The following CEP43 variants were observed in gnomAD, a reference collection of about 807,000 sequenced individuals.
CEP43 encodes FGFR1 oncogene partner.
Under a neutral mutation model 52.6 loss-of-function variants are expected in CEP43, and 36 were observed. The observed-to-expected ratio is 0.68, with a 90% confidence interval of 0.52 to 0.90. The LOEUF is 0.90. Among genes scored for constraint, CEP43 ranks in the 40% least tolerant of loss-of-function variants. The probability of loss-of-function intolerance (pLI) is 0.00; values close to 1 mark genes in which losing one functional copy is unlikely to be tolerated. For synonymous variants in CEP43, 192 were observed against 172.4 expected (o/e 1.11, Z -0.89); for missense variants, 506 against 472.8 (o/e 1.07, Z -0.65).
chr6:167,017,089 G>A (rs1180804142), intron 7 of CEP43, among the ~76,000 whole-genome samples: 1 of 151,296 alleles, frequency 6.6e-6, no homozygotes, highest in Non-Finnish European at 1.5e-5. Flanking sequence ...TCCGCCTCCC[G>A]GGTTCACGGG....
At position 167,050,571 on chromosome 6, in the gene CEP43, G is replaced by A. The variant is rs1780856174; in HGVS notation, c.*10593G>A. On this transcript the variant is annotated 3_prime_UTR_variant, in exon 13 of 13. Coordinates refer to ENST00000366847, the MANE Select transcript of CEP43 (RefSeq NM_007045.4). ...ACCAGCAGATCACTTGAGGTCAGGG[G>A]TTCGAGACCAGCGTGGCTAACATGG... The A allele has an allele frequency of 6.6e-6, 1 of 152,192 alleles. No individual in the cohort carries two copies. 9.4% of individuals were successfully genotyped at this position (152,192 alleles called of 1,614,324 possible). A position where few individuals can be genotyped will look rare whatever the true frequency, so the allele number is the denominator to read the frequency against.
At chr6:167,036,797 GTTTTGTTTTTGT>G (rs933902324) in intron 12 of CEP43, 30 of 984,080 alleles carry the variant, frequency 3.0e-5, no homozygotes, top group Admixed American at 2.5e-4. Context: ...GCCTTTATTA[GTTTTGTTTTTGT>G]TTTTGTTTTT....
At chr6:167,000,031 A>G in intron 1 of CEP43, 29 bp from the exon 2 acceptor site, 1 of 1,579,482 alleles carries the variant, frequency 6.3e-7, no homozygotes, top group South Asian at 1.1e-5. Context: ...TTGAAATTAT[A>G]ATTTCCTGTT....
At chr6:167,026,317 C>T (rs1002413453) in intron 9 of CEP43, among the ~76,000 whole-genome samples, 4 of 152,164 alleles carry the variant, frequency 2.6e-5, no homozygotes, top group Non-Finnish European at 4.4e-5. Context: ...GAGCTGAGAC[C>T]GCGCCATTGC....
Position 167,044,681 on chromosome 6 carries a change from C to T in CEP43, c.*4703C>T, listed in dbSNP as rs924787857. The T allele has an allele frequency of 3.6e-5, 16 of 442,374 alleles. No individual in the cohort carries two copies. The highest frequency in any genetic ancestry group is 2.3e-3 in the Middle Eastern group (2 of 868). 27.4% of individuals were successfully genotyped at this position (442,374 alleles called of 1,614,324 possible). Reference sequence around the variant, plus strand: ...AATGAACCCCCGAACAAGGTAAGGTCGAGCTGGCCCCTCGTGTCATCCGAC... The same window carrying T: ...AATGAACCCCCGAACAAGGTAAGGTTGAGCTGGCCCCTCGTGTCATCCGAC... On this transcript the variant is annotated 3_prime_UTR_variant, in exon 13 of 13. Coordinates refer to ENST00000366847, the MANE Select transcript of CEP43 (RefSeq NM_007045.4).
Position 167,004,066 on chromosome 6 carries a change from C to T in CEP43, c.301-198C>T, listed in dbSNP as rs573246635. 1.1e-4 allele frequency: 69 copies of T among 608,376 alleles called. 1 individual carries two copies. Among genetic ancestry groups the T allele is most frequent in the East Asian group, 6.9e-4 (24 of 35,010 alleles). 37.7% of individuals were successfully genotyped at this position (608,376 alleles called of 1,614,324 possible). A position where few individuals can be genotyped will look rare whatever the true frequency, so the allele number is the denominator to read the frequency against. ...TTAATTTTGATACGATGTTAGAGTG[C>T]ACCTGTTAATGGAAACGTTGAAGGT... On this transcript the variant is annotated intron_variant, in intron 4 of 12. Coordinates refer to ENST00000366847, the MANE Select transcript of CEP43 (RefSeq NM_007045.4).
In CEP43 at chr6:167,041,832, G is replaced by A; in HGVS notation, c.*1854G>A. ...GCACTACATACATCTTTTTTTTGCG[G>A]GGGGCGGGGGGGACAGAGTCTCACT... On this transcript the variant is annotated 3_prime_UTR_variant, in exon 13 of 13. Coordinates refer to ENST00000366847, the MANE Select transcript of CEP43 (RefSeq NM_007045.4). 1.0e-6 allele frequency: 1 copy of A among 971,468 alleles called. No individual in the cohort carries two copies. Among genetic ancestry groups the A allele is most frequent in the South Asian group, 4.9e-5 (1 of 20,596 alleles). 60.2% of individuals were successfully genotyped at this position (971,468 alleles called of 1,614,324 possible). A position where few individuals can be genotyped will look rare whatever the true frequency, so the allele number is the denominator to read the frequency against.
intron 7 of CEP43, among the ~76,000 whole-genome samples, chr6:167,020,908 CAAAAAAAA>C (rs147460349): frequency 3.8e-5 from 3 of 79,044 alleles, no homozygotes; most frequent in Admixed American, 1.6e-4. Flanking sequence ...GACTCTGTCT[CAAAAAAAA>C]AAAAAAAAAA....
chr6:167,013,967 T>C (rs903592091), intron 7 of CEP43, among the ~76,000 whole-genome samples: 1 of 152,188 alleles, frequency 6.6e-6, no homozygotes, highest in African/African-American at 2.4e-5. Flanking sequence ...AGTGAGACTC[T>C]GTCTAAAAAA....
rs1780738107 is a variant in CEP43 at position 167,043,273 on chromosome 6, G to A, written c.*3295G>A. On this transcript the variant is annotated 3_prime_UTR_variant, in exon 13 of 13. Coordinates refer to ENST00000366847, the MANE Select transcript of CEP43 (RefSeq NM_007045.4). Reference sequence around the variant, plus strand: ...ACCCAGCCCAAGTTGGAGCCCTCCTGTGGCATTGGGTGGGGAGGATTCCCG... The same window carrying A: ...ACCCAGCCCAAGTTGGAGCCCTCCTATGGCATTGGGTGGGGAGGATTCCCG... 6.6e-6 allele frequency: 1 copy of A among 152,326 alleles called. No homozygotes were observed. Among genetic ancestry groups the A allele is most frequent in the Non-Finnish European group, 1.5e-5 (1 of 68,280 alleles). 9.4% of individuals were successfully genotyped at this position (152,326 alleles called of 1,614,324 possible).
chr6:167,020,564 A>G (rs1780202850), intron 7 of CEP43, among the ~76,000 whole-genome samples: 3 of 152,194 alleles, frequency 2.0e-5, no homozygotes, highest in Admixed American at 6.5e-5. Flanking sequence ...ATATGAATCT[A>G]GTTCAATTCT....
chr6:167,026,294 C>T (rs1396486137), intron 9 of CEP43, among the ~76,000 whole-genome samples: 2 of 152,170 alleles, frequency 1.3e-5, no homozygotes, highest in Non-Finnish European at 2.9e-5. Context: ...ACCCAGAAGG[C>T]AGAGGTTGCA....
chr6:167,004,345 T>C lies in CEP43; in HGVS notation c.382T>C (p.Leu128=), dbSNP rs1227965640. 6.2e-7 allele frequency: 1 copy of C among 1,611,692 alleles called. No homozygotes were observed. The highest frequency in any genetic ancestry group is 1.7e-5 in the Admixed American group (1 of 59,746). The change falls in exon 5 of 13, where the codon TTA becomes CTA. Residue 128 remains leucine (L), a synonymous_variant. Transcript: ENST00000366847. ...AGAAGGTACTGTGGGTGGACCCTTA[T>C]TATTAGAAGTGATCAGGCGCTGTCA... ...EAEGTVGGPL[L]LEVIRRCQQK... is the part of the protein sequence containing the mutation.
intron 7 of CEP43, among the ~76,000 whole-genome samples, chr6:167,020,908 C>CAAAA (rs147460349): frequency 1.3e-5 from 1 of 79,050 alleles, no homozygotes; most frequent in Non-Finnish European, 2.3e-5. Context: ...GACTCTGTCT[C>CAAAA]AAAAAAAAAA....
In CEP43 at chr6:167,042,885, T is replaced by C. The variant is rs1489278135; in HGVS notation, c.*2907T>C. 6.8e-6 allele frequency: 1 copy of C among 147,074 alleles called. No homozygotes were observed. Among genetic ancestry groups the C allele is most frequent in the Non-Finnish European group, 1.5e-5 (1 of 66,776 alleles). 9.1% of individuals were successfully genotyped at this position (147,074 alleles called of 1,614,324 possible). ...ACAGGGATTTTCTTTTAAACTGCTG[T>C]GTACCTGGCACAACATTTGTCCCCT... On this transcript the variant is annotated 3_prime_UTR_variant, in exon 13 of 13. Coordinates refer to ENST00000366847, the MANE Select transcript of CEP43 (RefSeq NM_007045.4).
Position 167,018,331 on chromosome 6 carries a change from C to T in CEP43, c.580-4078C>T, listed in dbSNP as rs139723872. Among the ~76,000 whole-genome samples the T allele has an allele frequency of 4.5e-3, 682 of 152,268 alleles. 4 individuals carry two copies. The highest frequency in any genetic ancestry group is 7.0e-3 in the Non-Finnish European group (474 of 68,022). On this transcript the variant is annotated intron_variant, in intron 7 of 12. Transcript: ENST00000366847. ...ATTTCATTTGTGGGATACAGTTTGACCCATAACTTTTGTGCTTGTCCAGAG... is the reference window on the plus strand; with the variant it reads ...ATTTCATTTGTGGGATACAGTTTGATCCATAACTTTTGTGCTTGTCCAGAG...
At chr6:167,035,816 C>T (rs1334852792) in intron 12 of CEP43, among the ~76,000 whole-genome samples, 1 of 152,158 alleles carries the variant, frequency 6.6e-6, no homozygotes, top group Non-Finnish European at 1.5e-5. Flanking sequence ...CTCTGCCTGC[C>T]TCGGCCTCCC....
Position 167,032,733 on chromosome 6 carries a change from T to C in CEP43, c.1028+91T>C. 2.7e-6 allele frequency: 3 copies of C among 1,113,632 alleles called. No homozygotes were observed. The South Asian group carries it at 5.7e-5, about 21-fold the overall frequency. The allele number at this position is 1,113,632 out of a possible 1,614,324, so 69.0% of individuals were successfully genotyped here. A position where few individuals can be genotyped will look rare whatever the true frequency, so the allele number is the denominator to read the frequency against. On this transcript the variant is annotated intron_variant, in intron 11 of 12. Coordinates refer to ENST00000366847, the MANE Select transcript of CEP43 (RefSeq NM_007045.4). ...ACAAGACAAAATTACATTTGGTGCT[T>C]ATTTTAATGTATTTGATTCTGTTGT...
chr6:167,023,166 G>A (rs1404771711), intron 8 of CEP43, among the ~76,000 whole-genome samples: 1 of 152,144 alleles, frequency 6.6e-6, no homozygotes, highest in Non-Finnish European at 1.5e-5. Flanking sequence ...AGGCGAGTTG[G>A]GGGTAGCAGA....
Sources: allele counts gnomAD v4.1 joint callset (sites outside exome capture counted in the v4.1 genomes callset), GRCh38; gene constraint gnomAD v4.1.1; transcripts MANE v1.5; gene names NCBI Gene and HGNC (gene_info 2026-07-23, HGNC 2026-07-21).